TNFAIP8: variants seen among roughly 807,000 people sequenced by gnomAD.
TNFAIP8 encodes the protein tumor necrosis factor alpha-induced protein 8.
In TNFAIP8, 7 loss-of-function variants were observed where a neutral mutation model predicts 13.3. That is an observed-to-expected ratio of 0.52 (90% CI 0.30 to 0.99). The LOEUF is 0.99. Among genes scored for constraint, TNFAIP8 ranks in the 50% least tolerant of loss-of-function variants. TNFAIP8 has a pLI of 0.07. For missense variants in TNFAIP8, 258 were observed against 236.9 expected, an observed-to-expected ratio of 1.09 and a Z score of -0.58; for synonymous variants, 94 against 87.6, an observed-to-expected ratio of 1.07 and a Z score of -0.41.
rs1320981091 is a variant in TNFAIP8 at position 119,296,082 on chromosome 5, T to A, written c.1+27175T>A. ...TCATGTCATCTGCAAACAGGGACAA[T>A]TTGACTTCCTCTTTTCCTAATTGAA... On this transcript the variant is annotated intron_variant, in intron 1 of 1. Coordinates refer to the TNFAIP8 transcript ENST00000274456. Among the ~76,000 whole-genome samples, 84 of 149,276 alleles carry A rather than the reference T, an allele frequency of 5.6e-4. 1 individual carries two copies. The highest frequency in any genetic ancestry group is 5.5e-3 in the Admixed American group (82 of 14,952).
chr5:119,308,352 G>T (rs111957263), intron 1 of TNFAIP8, among the ~76,000 whole-genome samples: 3,200 of 148,768 alleles, frequency 0.022, 118 homozygotes, highest in African/African-American at 0.076. Context: ...TGTTTAATTA[G>T]CTTTGAAATC....
chr5:119,305,264 C>T (rs1482425834), intron 1 of TNFAIP8, among the ~76,000 whole-genome samples: 1 of 152,148 alleles, frequency 6.6e-6, no homozygotes, highest in African/African-American at 2.4e-5. Flanking sequence ...TTTCAAATGA[C>T]TATTTTCTTA....
chr5:119,307,212 G>T (rs1047312329), intron 1 of TNFAIP8, among the ~76,000 whole-genome samples: 7 of 152,230 alleles, frequency 4.6e-5, no homozygotes, highest in Middle Eastern at 3.4e-3. Flanking sequence ...ATTAAGATAT[G>T]TATTCTGTAT....
At chr5:119,310,142 A>G (rs75774444) in intron 1 of TNFAIP8, among the ~76,000 whole-genome samples, 2 of 152,296 alleles carry the variant, frequency 1.3e-5, no homozygotes, top group East Asian at 1.9e-4. Flanking sequence ...AATCAGCTAC[A>G]TTGAGGCTAA....
rs1445019888 is a variant in TNFAIP8 at position 119,394,491 on chromosome 5, A to T, written c.*1110A>T. ...ATATAATTTTCTGTGTATAAATAAT[A>T]AAGTAGGCATTTGTTTATTTTGTAA... is the stretch of plus-strand genomic sequence containing the variant. On this transcript the variant is annotated 3_prime_UTR_variant, in exon 2 of 2. Coordinates refer to ENST00000504771, the MANE Select transcript of TNFAIP8 (RefSeq NM_014350.4). The T allele has an allele frequency of 6.6e-6, 1 of 152,310 alleles. No individual in the cohort carries two copies. Among genetic ancestry groups the T allele is most frequent in the African/African-American group, 2.4e-5 (1 of 41,560 alleles). The allele number at this position is 152,310 out of a possible 1,614,324, so 9.4% of individuals were successfully genotyped here.
intron 1 of TNFAIP8, among the ~76,000 whole-genome samples, chr5:119,377,309 G>T (rs1044558134): frequency 2.6e-5 from 4 of 152,054 alleles, no homozygotes; most frequent in Admixed American, 1.3e-4. Context: ...AGGCTGAGGT[G>T]AAAGGATCAC....
intron 1 of TNFAIP8, among the ~76,000 whole-genome samples, chr5:119,295,130 C>G (rs1380498006): frequency 3.3e-5 from 5 of 151,376 alleles, no homozygotes; most frequent in Admixed American, 6.6e-5. Flanking sequence ...CCTATGTCCT[C>G]AATGGTAATG....
chr5:119,342,619 C>T (rs1750775895), intron 1 of TNFAIP8, among the ~76,000 whole-genome samples: 1 of 152,196 alleles, frequency 6.6e-6, no homozygotes, highest in Non-Finnish European at 1.5e-5. Flanking sequence ...GCTTTCTCAA[C>T]ACCAGATCAT....
chr5:119,321,299 T>G (rs1225465502), intron 1 of TNFAIP8, among the ~76,000 whole-genome samples: 4 of 152,150 alleles, frequency 2.6e-5, no homozygotes, highest in African/African-American at 7.2e-5. Context: ...TTTTGTTTTG[T>G]TTTGGTTTGA....
intron 1 of TNFAIP8, among the ~76,000 whole-genome samples, chr5:119,281,912 T>C (rs1748642264): frequency 6.6e-6 from 1 of 152,246 alleles, no homozygotes. Context: ...GTCACTGTTG[T>C]CTGATATAAA....
intron 1 of TNFAIP8, among the ~76,000 whole-genome samples, chr5:119,275,362 A>T (rs1299649711): frequency 3.9e-5 from 6 of 152,200 alleles, no homozygotes; most frequent in Admixed American, 3.9e-4. Context: ...TGACATCATA[A>T]ATCCAGTATG....
At chr5:119,376,483 A>G (rs1268927634) in intron 1 of TNFAIP8, among the ~76,000 whole-genome samples, 1 of 152,220 alleles carries the variant, frequency 6.6e-6, no homozygotes, top group Non-Finnish European at 1.5e-5. Flanking sequence ...AGTATTTGAA[A>G]TATAATTAAA....
rs72786115 is a variant in TNFAIP8, at chr5:119,288,909, T to G, written c.1+20002T>G. Among the ~76,000 whole-genome samples the G allele has an allele frequency of 7.5e-4, 115 of 152,344 alleles. 1 individual carries two copies. Among genetic ancestry groups the G allele is most frequent in the Non-Finnish European group, 1.3e-3 (91 of 68,026 alleles). On this transcript the variant is annotated intron_variant, in intron 1 of 1. Transcript: ENST00000274456. Reference sequence around the variant, plus strand: ...ACTTACTACTCATTCTTGGAATGAATCTTGCTTTGGCCCTAGGCTAAATTG... The same window carrying G: ...ACTTACTACTCATTCTTGGAATGAAGCTTGCTTTGGCCCTAGGCTAAATTG...
intron 1 of TNFAIP8, among the ~76,000 whole-genome samples, chr5:119,276,413 T>C (rs1287876572): frequency 6.6e-6 from 1 of 152,194 alleles, no homozygotes; most frequent in Non-Finnish European, 1.5e-5. Context: ...CCACCGCACC[T>C]GGCCTGTAAG....
At chr5:119,334,301 T>C (rs1361495058) in intron 1 of TNFAIP8, among the ~76,000 whole-genome samples, 1 of 152,218 alleles carries the variant, frequency 6.6e-6, no homozygotes, top group Non-Finnish European at 1.5e-5. Flanking sequence ...TAGAGTGTTT[T>C]AAATAGCCCT....
intron 1 of TNFAIP8, among the ~76,000 whole-genome samples, chr5:119,301,056 A>G (rs993345787): frequency 6.6e-6 from 1 of 152,188 alleles, no homozygotes; most frequent in Admixed American, 6.5e-5. Flanking sequence ...ATCCTTATTC[A>G]TTGGCAAGAT....
At chr5:119,384,550 C>G (rs1206290018) in intron 1 of TNFAIP8, among the ~76,000 whole-genome samples, 1 of 151,988 alleles carries the variant, frequency 6.6e-6, no homozygotes, top group Non-Finnish European at 1.5e-5. Flanking sequence ...TAATGTAGTA[C>G]AAATTCAAAA....
At chr5:119,292,501 C>G (rs1749017918) in intron 1 of TNFAIP8, among the ~76,000 whole-genome samples, 2 of 150,972 alleles carry the variant, frequency 1.3e-5, no homozygotes, top group African/African-American at 4.9e-5. Flanking sequence ...CCCAGCAAGT[C>G]TACTTCCAGA....
At chr5:119,297,742 A>G (rs895328353) in intron 1 of TNFAIP8, among the ~76,000 whole-genome samples, 1 of 152,150 alleles carries the variant, frequency 6.6e-6, no homozygotes. Flanking sequence ...TGGGAGTCTA[A>G]GTCTCTTTGT....
Sources: allele counts gnomAD v4.1 joint callset (sites outside exome capture counted in the v4.1 genomes callset), GRCh38; gene constraint gnomAD v4.1.1; transcripts MANE v1.5; gene names NCBI Gene and HGNC (gene_info 2026-07-23, HGNC 2026-07-21).